ZFHX3: variants seen among roughly 807,000 people sequenced by gnomAD.
ZFHX3 encodes zinc finger homeobox protein 3.
Under a neutral mutation model 279.1 loss-of-function variants are expected in ZFHX3, and 42 were observed. The observed-to-expected ratio is 0.15, with a 90% CI of 0.12 to 0.19. ZFHX3 has a LOEUF of 0.19. Among genes scored for constraint, ZFHX3 ranks in the 10% least tolerant of loss-of-function variants. ZFHX3 has a pLI of 1.00. For synonymous variants in ZFHX3, 2,293 were observed against 1,957.8 expected (o/e 1.17, Z -4.52); for missense variants, 4,981 against 4,754.0 (o/e 1.05, Z -1.40).
At chr16:73,050,813 C>G (rs138061944), upstream of ZFHX3, among the ~76,000 whole-genome samples, 923 of 152,264 alleles carry the variant, frequency 6.1e-3, 2 homozygotes, top group South Asian at 0.014. Context: ...TTCTCCATAC[C>G]CAGTCTCGTC....
intron 8 of ZFHX3, among the ~76,000 whole-genome samples, chr16:73,085,815 C>T (rs1185147653): frequency 6.6e-6 from 1 of 151,506 alleles, no homozygotes; most frequent in Admixed American, 6.6e-5. Context: ...GCATCAAAAG[C>T]AAAATTAGAA....
chr16:73,875,394 T>C (rs2029915731), intron 1 of ZFHX3, among the ~76,000 whole-genome samples: 2 of 152,194 alleles, frequency 1.3e-5, no homozygotes, highest in African/African-American at 4.8e-5. Flanking sequence ...CTGATTATTG[T>C]TATAAATCTT....
chr16:73,345,772 T>C (rs1027175117), intron 3 of ZFHX3, among the ~76,000 whole-genome samples: 17 of 152,154 alleles, frequency 1.1e-4, no homozygotes, highest in African/African-American at 3.9e-4. Context: ...ATGGGATGGC[T>C]GAGACCCAGC....
chr16:72,944,383 C>T (rs1960561854), intron 3 of ZFHX3, among the ~76,000 whole-genome samples: 1 of 152,120 alleles, frequency 6.6e-6, no homozygotes, highest in South Asian at 2.1e-4. Context: ...TACACACATG[C>T]ATTTTCATCT....
intron 1 of ZFHX3, among the ~76,000 whole-genome samples, chr16:73,753,083 G>A (rs146707149): frequency 6.6e-6 from 1 of 152,310 alleles, no homozygotes; most frequent in Non-Finnish European, 1.5e-5. Context: ...CCTAAGTGCA[G>A]TGCTGAAGTG....
At chr16:73,064,520 T>C (rs1417143012), upstream of ZFHX3, among the ~76,000 whole-genome samples, 1 of 151,862 alleles carries the variant, frequency 6.6e-6, no homozygotes, top group Non-Finnish European at 1.5e-5. Context: ...TTTTTTTTTT[T>C]CTTTTGAACT....
chr16:73,070,550 G>C (rs998749559), intron 8 of ZFHX3, among the ~76,000 whole-genome samples: 2 of 152,108 alleles, frequency 1.3e-5, no homozygotes, highest in Admixed American at 6.5e-5. Context: ...TGTCGCAGAC[G>C]TGAAAACCTG....
At chr16:72,988,814 C>G (rs1329383538) in intron 1 of ZFHX3, among the ~76,000 whole-genome samples, 1 of 152,344 alleles carries the variant, frequency 6.6e-6, no homozygotes, top group Non-Finnish European at 1.5e-5. Context: ...TTATTCTTCA[C>G]TGATAATTAC....
chr16:73,467,205 C>T (rs369292638), intron 2 of ZFHX3, among the ~76,000 whole-genome samples: 21 of 152,134 alleles, frequency 1.4e-4, no homozygotes, highest in Admixed American at 3.9e-4. Flanking sequence ...ATGGAGCTCA[C>T]GGAAACGTAG....
chr16:72,973,986 T>C (rs550911412), intron 1 of ZFHX3, among the ~76,000 whole-genome samples: 97 of 152,320 alleles, frequency 6.4e-4, no homozygotes, highest in Non-Finnish European at 7.4e-4. Context: ...ACTAGTTTAA[T>C]AGAAAGATGA....
In ZFHX3 at chr16:73,227,848, C is replaced by CAAAA. The variant is rs398029895; in HGVS notation, c.-1104+29195_-1104+29198dup. The stretch of plus-strand genomic sequence containing the variant: ...TGAGCAACAGAGCAAGATTCTGTCT[C>CAAAA]AAAAAAAAAAAAAAAAAAAAAAAAA... On this transcript the variant is annotated intron_variant, in intron 5 of 17. Coordinates refer to the ZFHX3 transcript ENST00000641206. Among the ~76,000 whole-genome samples the CAAAA allele has an allele frequency of 2.6e-3, 121 of 45,992 alleles. 6 individuals are homozygous for CAAAA. The highest frequency in any genetic ancestry group is 8.7e-3 in the African/African-American group (82 of 9,452). The allele number at this position is 45,992 out of a possible 152,430, so 30.2% of individuals were successfully genotyped here. A position where few individuals can be genotyped will look rare whatever the true frequency, so the allele number is the denominator to read the frequency against.
At chr16:73,066,440 G>A (rs1350371269) in intron 8 of ZFHX3, among the ~76,000 whole-genome samples, 1 of 151,930 alleles carries the variant, frequency 6.6e-6, no homozygotes, top group Admixed American at 6.5e-5. Flanking sequence ...TTTTTTTCCT[G>A]CGGGCTCTGG....
At chr16:73,235,922 A>G (rs955855330) in intron 5 of ZFHX3, among the ~76,000 whole-genome samples, 2 of 152,112 alleles carry the variant, frequency 1.3e-5, no homozygotes, top group Non-Finnish European at 2.9e-5. Context: ...CTGCCCACCT[A>G]GGCTTCCCAA....
At chr16:73,203,843 T>C (rs568648526) in intron 5 of ZFHX3, among the ~76,000 whole-genome samples, 1 of 152,330 alleles carries the variant, frequency 6.6e-6, no homozygotes, top group African/African-American at 2.4e-5. Flanking sequence ...CCAGTGACAA[T>C]TGTCCATCTA....
intron 3 of ZFHX3, among the ~76,000 whole-genome samples, chr16:73,341,414 A>G (rs189905853): frequency 2.0e-5 from 3 of 152,342 alleles, no homozygotes; most frequent in East Asian, 3.9e-4. Flanking sequence ...GATGATTCCA[A>G]AAAAGATACA....
At chr16:72,942,227 T>C (rs1291393522) in intron 3 of ZFHX3, among the ~76,000 whole-genome samples, 4 of 152,248 alleles carry the variant, frequency 2.6e-5, no homozygotes, top group African/African-American at 9.6e-5. Flanking sequence ...TGCCCCATTA[T>C]GTGGCACCTG....
intron 8 of ZFHX3, among the ~76,000 whole-genome samples, chr16:73,074,010 T>G (rs1268757555): frequency 6.6e-5 from 10 of 152,190 alleles, no homozygotes; most frequent in Admixed American, 6.5e-4. Context: ...GCTGTGGGTT[T>G]GAGATGCCTC....
chr16:73,757,286 T>C (rs1441842964), intron 1 of ZFHX3, among the ~76,000 whole-genome samples: 1 of 152,138 alleles, frequency 6.6e-6, no homozygotes, highest in African/African-American at 2.4e-5. Context: ...TGTCTGTGAG[T>C]GTGCTTCCAC....
At chr16:73,117,401 G>T (rs1966445267) in intron 7 of ZFHX3, among the ~76,000 whole-genome samples, 1 of 152,140 alleles carries the variant, frequency 6.6e-6, no homozygotes, top group Admixed American at 6.6e-5. Context: ...ATGGGTCATG[G>T]CCAAAAAATT....
Sources: gnomAD v4.1 joint callset for allele counts (sites outside exome capture counted in the v4.1 genomes callset) on GRCh38, gnomAD v4.1.1 for gene constraint, MANE v1.5 for transcripts, NCBI Gene and HGNC (gene_info 2026-07-23, HGNC 2026-07-21) for gene names.